The following SLC38A8 variants were observed in gnomAD, a reference collection of about 807,000 sequenced individuals.
The protein encoded by SLC38A8 is solute carrier family 38 member 8.
Under a neutral mutation model 46.0 loss-of-function variants are expected in SLC38A8, and 65 were observed. The observed-to-expected ratio is 1.41, with a 90% CI of 1.16 to 1.74. The LOEUF (loss-of-function observed/expected upper bound fraction) is 1.74. Among genes scored for constraint, SLC38A8 ranks in the 40% most tolerant of loss-of-function variants. The pLI, the probability that SLC38A8 is intolerant of heterozygous loss-of-function variation, is 0.00. For synonymous variants in SLC38A8, 447 were observed against 243.7 expected, an observed-to-expected ratio of 1.83 and a Z score of -7.77; for missense variants, 998 against 567.9, an observed-to-expected ratio of 1.76 and a Z score of -7.70.
At chr16:84,042,948 G>C (rs1247826176), upstream of SLC38A8, among the ~76,000 whole-genome samples, 1 of 152,170 alleles carries the variant, frequency 6.6e-6, no homozygotes, top group East Asian at 1.9e-4. Flanking sequence ...AGGGGAGCAG[G>C]CACCATGATC....
rs2085380778 is a variant in SLC38A8 at position 84,042,648 on chromosome 16, A to T, written c.-100T>A. ...GCTCAGTTGCATTTCTTGGGGCCAG[A>T]GGGGTGGGAGAAGCAAGATTCGAGC... On this transcript the variant is annotated 5_prime_UTR_variant, in exon 1 of 11. Transcript: ENST00000299709. The T allele has an allele frequency of 6.5e-6, 1 of 154,208 alleles. No individual in the cohort carries two copies. Among genetic ancestry groups the T allele is most frequent in the Non-Finnish European group, 1.4e-5 (1 of 69,414 alleles). 9.6% of individuals were successfully genotyped at this position (154,208 alleles called of 1,614,324 possible).
At chr16:84,042,275 C>A in intron 1 of SLC38A8, 116 bp from the exon 2 acceptor site, 2 of 1,164,092 alleles carry the variant, frequency 1.7e-6, no homozygotes, top group Non-Finnish European at 2.4e-6. Flanking sequence ...CGCTCCTGCC[C>A]GCTTCCTTGG....
At chr16:84,013,972 G>C (rs1185194486) in intron 9 of SLC38A8, among the ~76,000 whole-genome samples, 2 of 151,542 alleles carry the variant, frequency 1.3e-5, no homozygotes, top group Non-Finnish European at 2.9e-5. Context: ...GCTCCACCCA[G>C]AGCCTGAGTG....
chr16:84,016,412 T>C (rs564996381), intron 9 of SLC38A8, 107 bp downstream of exon 9: 14 of 1,321,622 alleles, frequency 1.1e-5, no homozygotes, highest in Middle Eastern at 2.2e-4. Context: ...ATCCTACCCA[T>C]ATGTGGCTCC....
chr16:84,016,870 C>T (rs533950185), intron 8 of SLC38A8, 143 bp from the exon 9 acceptor site: 29 of 1,079,790 alleles, frequency 2.7e-5, no homozygotes, highest in Admixed American at 5.7e-5. Flanking sequence ...CCCAGGAGAC[C>T]TTGCCAACCC....
chr16:84,035,520 C>T (rs987601845), intron 3 of SLC38A8, among the ~76,000 whole-genome samples: 3 of 152,122 alleles, frequency 2.0e-5, no homozygotes, highest in Non-Finnish European at 4.4e-5. Flanking sequence ...AAGCAAGACC[C>T]GACCATATGC....
At chr16:84,014,279 C>T (rs1347889508) in intron 9 of SLC38A8, among the ~76,000 whole-genome samples, 1 of 151,324 alleles carries the variant, frequency 6.6e-6, no homozygotes, top group African/African-American at 2.4e-5. Context: ...CACCCCTCAC[C>T]TCTGAAAGCC....
At chr16:84,037,373 G>T (rs77634852) in intron 2 of SLC38A8, among the ~76,000 whole-genome samples, 4,600 of 149,248 alleles carry the variant, frequency 0.031, 233 homozygotes, top group African/African-American at 0.11. Context: ...CTGTGAAATG[G>T]GGGCGGCACC....
At chr16:84,023,955 CA>C (rs775647746) in intron 6 of SLC38A8, among the ~76,000 whole-genome samples, 2 of 152,194 alleles carry the variant, frequency 1.3e-5, no homozygotes, top group African/African-American at 2.4e-5. Flanking sequence ...GTCCAAGTTA[CA>C]AGATAAACAC....
At chr16:84,028,719 G>A (rs2085198515) in intron 6 of SLC38A8, among the ~76,000 whole-genome samples, 1 of 114,404 alleles carries the variant, frequency 8.7e-6, no homozygotes, top group South Asian at 3.4e-4. Flanking sequence ...TCCCCCCAGC[G>A]CTGTGCCACA....
chr16:84,016,132 G>A (rs1315521918), intron 9 of SLC38A8, among the ~76,000 whole-genome samples: 2 of 152,070 alleles, frequency 1.3e-5, no homozygotes, highest in Non-Finnish European at 1.5e-5. Context: ...TGGGGGGCGG[G>A]GGGGGACCCC....
In SLC38A8 at chr16:84,039,346, C is replaced by G. The variant is rs569643323; in HGVS notation, c.190-2446G>C. Among the ~76,000 whole-genome samples, 4 of 152,338 alleles carry G rather than the reference C, an allele frequency of 2.6e-5. No individual in the cohort carries two copies. The East Asian group carries it at 5.8e-4, about 22-fold the overall frequency. ...TATTGAGGGATTTCTCCAATGTCCT[C>G]TCACCCACGCTCTAAGCTCCCTGAA... is the stretch of plus-strand genomic sequence containing the variant. On this transcript the variant is annotated intron_variant, in intron 2 of 10. Coordinates refer to ENST00000299709, the MANE Select transcript of SLC38A8 (RefSeq NM_001080442.3).
intron 6 of SLC38A8, 44 bp downstream of exon 6, chr16:84,029,450 G>A: frequency 1.9e-6 from 3 of 1,604,276 alleles, no homozygotes; most frequent in South Asian, 2.2e-5. Context: ...GTCACCCACA[G>A]CCTCTGCAAA....
At chr16:84,014,087 G>C (rs1251670428) in intron 9 of SLC38A8, among the ~76,000 whole-genome samples, 2 of 151,890 alleles carry the variant, frequency 1.3e-5, no homozygotes, top group East Asian at 2.0e-4. Flanking sequence ...CCAGAGCTGA[G>C]GGAGGAGATG....
At chr16:84,038,046 C>T (rs2085321738) in intron 2 of SLC38A8, among the ~76,000 whole-genome samples, 1 of 151,390 alleles carries the variant, frequency 6.6e-6, no homozygotes, top group Admixed American at 6.6e-5. Flanking sequence ...TGCTATGGCT[C>T]ACGCCTGTAA....
rs149436446 is a variant in SLC38A8, at chr16:84,036,701, C to G, written c.388+1G>C. ...ACCCCGAGTCCCATGAAGGTACTTACGCTTCTCCAGCTGGTCCCCGATCAC... is the reference window on the plus strand; with the variant it reads ...ACCCCGAGTCCCATGAAGGTACTTAGGCTTCTCCAGCTGGTCCCCGATCAC... On this transcript the variant is annotated splice_donor_variant, in intron 3 of 10. Coordinates refer to ENST00000299709, the MANE Select transcript of SLC38A8 (RefSeq NM_001080442.3). LOFTEE classifies it high-confidence loss of function. 2 of 1,614,100 alleles carry G rather than the reference C, an allele frequency of 1.2e-6. No homozygotes were observed. Among genetic ancestry groups the G allele is most frequent in the East Asian group, 2.2e-5 (1 of 44,876 alleles).
At chr16:84,041,187 G>C (rs1051519547) in intron 2 of SLC38A8, 1 of 152,304 alleles carries the variant, frequency 6.6e-6, no homozygotes, top group Non-Finnish European at 1.5e-5. Flanking sequence ...TTCCCCAAAA[G>C]GGAATTCTGG....
At chr16:84,013,776 T>C (rs978520982) in intron 9 of SLC38A8, among the ~76,000 whole-genome samples, 1 of 151,448 alleles carries the variant, frequency 6.6e-6, no homozygotes, top group African/African-American at 2.4e-5. Context: ...CAGGGCCATG[T>C]AGCTTGGCCT....
intron 5 of SLC38A8, among the ~76,000 whole-genome samples, chr16:84,030,602 G>A (rs1357004321): frequency 5.3e-5 from 8 of 152,054 alleles, no homozygotes; most frequent in Admixed American, 5.2e-4. Flanking sequence ...GCCCTGCTCA[G>A]TCCTCTCTAA....
Sources: gnomAD v4.1 joint callset for allele counts (sites outside exome capture counted in the v4.1 genomes callset) on GRCh38, gnomAD v4.1.1 for gene constraint, MANE v1.5 for transcripts, NCBI Gene and HGNC (gene_info 2026-07-23, HGNC 2026-07-21) for gene names.